ZAN: variants seen among roughly 807,000 people sequenced by gnomAD.
ZAN encodes the protein zonadhesin, also known as zonadhesin (gene/pseudogene).
In ZAN, 260 loss-of-function variants were observed where a neutral mutation model predicts 286.2. That is an observed-to-expected ratio of 0.91 (90% CI 0.82 to 1.01). The LOEUF (loss-of-function observed/expected upper bound fraction) is 1.01. Among genes scored for constraint, ZAN ranks in the 50% least tolerant of loss-of-function variants. The pLI, the probability that ZAN is intolerant of heterozygous loss-of-function variation, is 0.00. For synonymous variants in ZAN, 1,368 were observed against 1,417.5 expected (o/e 0.97, Z 0.79); for missense variants, 3,410 against 3,639.2 (o/e 0.94, Z 1.62).
At chr7:100,754,432 C>T (rs1251609288) in intron 14 of ZAN, among the ~76,000 whole-genome samples, 1 of 151,866 alleles carries the variant, frequency 6.6e-6, no homozygotes, top group African/African-American at 2.4e-5. Context: ...GCACTCCAGC[C>T]TGGGTGATAA....
At position 100,750,610 on chromosome 7, in the gene ZAN, C is replaced by T; in HGVS notation, c.1250-15C>T. ...TGCAGGCTTCTTACCTTGCCTGTTC[C>T]CTTCCTTTGCCTAGGGGGTCACTAT... On this transcript the variant is annotated splice_polypyrimidine_tract_variant and intron_variant, in intron 11 of 47. Coordinates refer to ENST00000613979, the MANE Select transcript of ZAN (RefSeq NM_003386.3). The T allele has an allele frequency of 1.9e-6, 3 of 1,612,070 alleles. No individual in the cohort carries two copies. The highest frequency in any genetic ancestry group is 2.5e-6 in the Non-Finnish European group (3 of 1,179,224).
rs760744132 is a variant in ZAN, at chr7:100,755,332, C to T, written c.3231C>T (p.Asn1077=). 1 of 1,613,896 alleles carries T rather than the reference C, an allele frequency of 6.2e-7. No homozygotes were observed. The highest frequency in any genetic ancestry group is 1.3e-5 in the African/African-American group (1 of 75,038). Reference sequence around the variant, plus strand: ...TCTGTCGGGAGGGCTGTGTCTGCAACCCTGGCTTTTTGTTTAGTGACAACC... The same window carrying T: ...TCTGTCGGGAGGGCTGTGTCTGCAATCCTGGCTTTTTGTTTAGTGACAACC... ...GPLCREGCVC[N]PGFLFSDNHC... The change falls in exon 15 of 48, where the codon AAC becomes AAT. Residue 1077 remains asparagine, a synonymous_variant. Coordinates refer to ENST00000613979, the MANE Select transcript of ZAN (RefSeq NM_003386.3).
chr7:100,788,906 C>T (rs1467688662), intron 38 of ZAN, among the ~76,000 whole-genome samples: 1 of 152,028 alleles, frequency 6.6e-6, no homozygotes, highest in Non-Finnish European at 1.5e-5. Context: ...CCCATGTTGG[C>T]CAGGCTGGTC....
chr7:100,775,340 G>A lies in ZAN; in HGVS notation c.5792G>A (p.Cys1931Tyr). Reference sequence around the variant, plus strand: ...TCTGTCCTCCCAGGTGTGGGAGTGTGTCAGCTCCCAGGGGAGTCCCACTAC... The same window carrying A: ...TCTGTCCTCCCAGGTGTGGGAGTGTATCAGCTCCCAGGGGAGTCCCACTAC... ...LHCRASGVGV[C>Y]QLPGESHYVS... The change falls in exon 32 of 48, where the codon TGT becomes TAT. Residue 1931 changes from cysteine to tyrosine, a missense_variant. Cys to Tyr is a radical substitution (Grantham distance 194). Around this residue, in one of 7 missense-constraint regions of ZAN, gnomAD observed 1,289 missense variants for 1,314.3 expected, o/e 0.98. Transcript: ENST00000613979. The A allele has an allele frequency of 1.9e-6, 3 of 1,613,142 alleles. No homozygotes were observed. Among genetic ancestry groups the A allele is most frequent in the Non-Finnish European group, 2.5e-6 (3 of 1,179,602 alleles).
rs762079462 is a variant in ZAN, at chr7:100,753,196, C to T, written c.3091C>T (p.Leu1031=). ...AAGTACCCCTATGACCAGTGTGATTCTGGGCACTACCACAACCTCCAGATC... is the reference window on the plus strand; with the variant it reads ...AAGTACCCCTATGACCAGTGTGATTTTGGGCACTACCACAACCTCCAGATC... The part of the protein sequence containing the change: ...APSTPMTSVI[L]GTTTTSRSST... Residue 1031 remains leucine, a synonymous_variant, in exon 14 of 48, where the codon CTG becomes TTG. Transcript: ENST00000613979. 1 of 1,605,468 alleles carries T rather than the reference C, an allele frequency of 6.2e-7. No individual in the cohort carries two copies. Among genetic ancestry groups the T allele is most frequent in the Admixed American group, 1.7e-5 (1 of 58,498 alleles).
intron 45 of ZAN, among the ~76,000 whole-genome samples, chr7:100,796,939 C>A (rs923241702): frequency 2.0e-5 from 3 of 152,020 alleles, no homozygotes; most frequent in Admixed American, 6.6e-5. Context: ...GAGTTCAAGA[C>A]CAGCCTGGTA....
Position 100,736,985 on chromosome 7 carries a change from C to CG in ZAN, c.431dup (p.Asp146ArgfsTer34). On this transcript the variant is annotated frameshift_variant, in exon 5 of 48. Transcript: ENST00000613979. LOFTEE classifies it high-confidence loss of function. ...GCTGCTCTCGGGTGAAGAGGGCCGC[C>CG]GCCCCGATGTGCTCTGGAAACACTG... The CG allele has an allele frequency of 2.7e-6, 4 of 1,502,714 alleles. 1 individual carries two copies. Among genetic ancestry groups the CG allele is most frequent in the Non-Finnish European group, 3.6e-6 (4 of 1,097,840 alleles). 93.1% of individuals were successfully genotyped at this position (1,502,714 alleles called of 1,614,324 possible). A position where few individuals can be genotyped will look rare whatever the true frequency, so the allele number is the denominator to read the frequency against.
intron 2 of ZAN, among the ~76,000 whole-genome samples, chr7:100,734,489 T>G (rs1032098850): frequency 2.2e-5 from 3 of 139,168 alleles, no homozygotes; most frequent in Admixed American, 7.2e-5. Context: ...CGTGGTGGTG[T>G]GCACCTGTAG....
intron 43 of ZAN, 28 bp from the exon 44 acceptor site, chr7:100,794,092 G>A (rs569381548): frequency 6.8e-6 from 11 of 1,613,716 alleles, no homozygotes; most frequent in East Asian, 4.5e-5. Flanking sequence ...GAACTGGAAC[G>A]TCTCCTCCTG....
intron 46 of ZAN, 25 bp downstream of exon 46, chr7:100,797,490 A>T (rs770627519): frequency 6.3e-6 from 10 of 1,593,248 alleles, no homozygotes; most frequent in Non-Finnish European, 8.6e-6. Context: ...GGAGAGAGGA[A>T]GGGCGGGTGG....
Position 100,775,350 on chromosome 7 carries a change from AG to A in ZAN, c.5806del (p.Glu1936SerfsTer5). 6.2e-7 allele frequency: 1 copy of A among 1,613,366 alleles called. No homozygotes were observed. Among genetic ancestry groups the A allele is most frequent in the Non-Finnish European group, 8.5e-7 (1 of 1,179,698 alleles). ...ASGVGVCQLP[G>X]ESHYVSFDGS... ...CAGGTGTGGGAGTGTGTCAGCTCCC[AG>A]GGGAGTCCCACTACGTGAGCTTTGA... On this transcript the variant is annotated frameshift_variant, in exon 32 of 48. Transcript: ENST00000613979. LOFTEE classifies it high-confidence loss of function.
intron 35 of ZAN, among the ~76,000 whole-genome samples, chr7:100,783,868 C>T (rs1811387609): frequency 1.4e-5 from 2 of 139,918 alleles, no homozygotes; most frequent in Non-Finnish European, 1.5e-5. Flanking sequence ...TGTACATTCA[C>T]TGAGGCAGAA....
intron 44 of ZAN, 34 bp from the exon 45 acceptor site, chr7:100,795,162 G>C (rs1219076065): frequency 1.3e-6 from 2 of 1,590,458 alleles, no homozygotes; most frequent in African/African-American, 2.7e-5. Flanking sequence ...GTCCTCCCAG[G>C]GCCCCCCTCC....
chr7:100,770,453 G>A (rs1267390117), intron 28 of ZAN, among the ~76,000 whole-genome samples: 4 of 144,318 alleles, frequency 2.8e-5, no homozygotes, highest in Admixed American at 7.0e-5. Context: ...GCAGTGAGCC[G>A]AGATTTCGCC....
chr7:100,748,258 G>A (rs766536672), intron 10 of ZAN, 43 bp downstream of exon 10: 7 of 1,613,892 alleles, frequency 4.3e-6, no homozygotes, highest in Non-Finnish European at 3.4e-6. Context: ...CAGAATCCGG[G>A]GTGGGCTGGG....
In ZAN at chr7:100,795,299, T is replaced by C. The variant is rs768317743; in HGVS notation, c.8229T>C (p.Cys2743=). Reference sequence around the variant, plus strand: ...AAGTTGGTTACGGGGGAGGCCTGTGTATGGAGCCTCGAGATGCGCCACCTC... The same window carrying C: ...AAGTTGGTTACGGGGGAGGCCTGTGCATGGAGCCTCGAGATGCGCCACCTC... ...ECEVGYGGGL[C]MEPRDAPPPR... is the part of the protein sequence containing the mutation. Residue 2743 remains cysteine, a synonymous_variant, in exon 45 of 48, where the codon TGT becomes TGC. Transcript: ENST00000613979. 1.9e-6 allele frequency: 3 copies of C among 1,605,960 alleles called. No homozygotes were observed. Among genetic ancestry groups the C allele is most frequent in the East Asian group, 4.5e-5 (2 of 44,262 alleles).
rs1808676505 is a variant in ZAN at position 100,751,715 on chromosome 7, A to C, written c.1610A>C (p.Lys537Thr). ...ILINPGTCPV[K>T]VLPELPPVSP... ...GGATTCTTATTTTTCTTTGCAGTAA[A>C]AGTGCTACCAGAGCTTCCTCCCGTA... The change falls in exon 14 of 48, where the codon AAA becomes ACA. Residue 537 changes from lysine (K) to threonine (T), a missense_variant. Lys to Thr is a moderately conservative substitution (Grantham distance 78). This residue lies in a region of ZAN where 872 missense variants were observed against 938.9 expected (regional missense o/e 0.93). Transcript: ENST00000613979. 8.9e-6 allele frequency: 14 copies of C among 1,575,802 alleles called. No individual in the cohort carries two copies. Among genetic ancestry groups the C allele is most frequent in the Non-Finnish European group, 1.2e-5 (14 of 1,167,824 alleles).
At chr7:100,791,377 C>T (rs1811945255) in intron 40 of ZAN, among the ~76,000 whole-genome samples, 1 of 151,998 alleles carries the variant, frequency 6.6e-6, no homozygotes, top group African/African-American at 2.4e-5. Flanking sequence ...TCCTCCTCCT[C>T]CTCTTCCTCC....
chr7:100,792,409 T>A lies in ZAN; in HGVS notation c.7717T>A (p.Cys2573Ser). ...TVAPEPFQEH[C>S]VLDLCSAQDP... Reference sequence around the variant, plus strand: ...CCTGCCCCCTCTCTGCACCAGGCACTGCGTGCTGGATCTGTGCTCTGCTCA... The same window carrying A: ...CCTGCCCCCTCTCTGCACCAGGCACAGCGTGCTGGATCTGTGCTCTGCTCA... Residue 2573 changes from cysteine to serine, a missense_variant, in exon 42 of 48, where the codon TGC becomes AGC. Coordinates refer to ENST00000613979, the MANE Select transcript of ZAN (RefSeq NM_003386.3). The A allele has an allele frequency of 6.2e-7, 1 of 1,610,186 alleles. No homozygotes were observed. The highest frequency in any genetic ancestry group is 1.1e-5 in the South Asian group (1 of 90,824).
Sources: gnomAD v4.1 joint callset for allele counts (sites outside exome capture counted in the v4.1 genomes callset) on GRCh38, gnomAD v4.1.1 for gene constraint, gnomAD v4.1.1 regional missense constraint, MANE v1.5 for transcripts, NCBI Gene and HGNC (gene_info 2026-07-23, HGNC 2026-07-21) for gene names.